Variants in STON1 observed in about 807,000 individuals in gnomAD.
STON1 encodes the protein stonin-1.
STON1 carries 79 observed loss-of-function variants against 60.9 expected under a neutral mutation model. The observed-to-expected ratio is 1.30, with a 90% confidence interval of 1.08 to 1.56. STON1 has a LOEUF of 1.56. Ranked by LOEUF, STON1 falls within the 40% of genes most tolerant of loss-of-function variation. The pLI is 0.00. For synonymous variants in STON1, 363 were observed against 306.9 expected (o/e 1.18, Z -1.91); for missense variants, 1,166 against 858.9 (o/e 1.36, Z -4.47).
At chr2:48,565,202 G>A (rs945619925) in intron 1 of STON1, among the ~76,000 whole-genome samples, 4 of 149,326 alleles carry the variant, frequency 2.7e-5, no homozygotes, top group South Asian at 2.2e-4. Context: ...ACAGGCGCCC[G>A]CCACCACGCC....
intron 1 of STON1, among the ~76,000 whole-genome samples, chr2:48,541,521 T>TAAA (rs1276920612): frequency 1.5e-4 from 14 of 92,374 alleles, no homozygotes; most frequent in African/African-American, 5.8e-4. Flanking sequence ...CCATCTCTAC[T>TAAA]AAAAAAAAAA....
chr2:48,539,025 C>T (rs1223259797), intron 1 of STON1, among the ~76,000 whole-genome samples: 2 of 152,004 alleles, frequency 1.3e-5, no homozygotes, highest in African/African-American at 4.8e-5. Context: ...TCAAGCTATC[C>T]TCTTGCCTCA....
In STON1 at chr2:48,596,294, GAA is replaced by G. The variant is rs1674779160; in HGVS notation, c.*994_*995del. 1 of 152,136 alleles carries G rather than the reference GAA, an allele frequency of 6.6e-6. No individual in the cohort carries two copies. Among genetic ancestry groups the G allele is most frequent in the Non-Finnish European group, 1.5e-5 (1 of 67,996 alleles). 9.4% of individuals were successfully genotyped at this position (152,136 alleles called of 1,614,324 possible). Reference sequence around the variant, plus strand: ...TTTTTCATTAAAAGGTGAGCAAAGTGAAAGATACTTGGTATTTTACCCAGATT... The same window carrying G: ...TTTTTCATTAAAAGGTGAGCAAAGTGAGATACTTGGTATTTTACCCAGATT... On this transcript the variant is annotated 3_prime_UTR_variant, in exon 4 of 4. Transcript: ENST00000404752.
chr2:48,555,378 A>C (rs1180823302), intron 1 of STON1, among the ~76,000 whole-genome samples: 1 of 40,640 alleles, frequency 2.5e-5, no homozygotes, highest in African/African-American at 9.2e-5. Flanking sequence ...GGGGCTCCTC[A>C]CTTCCCAGTA....
chr2:48,565,152 A>T (rs1178147554), intron 1 of STON1, among the ~76,000 whole-genome samples: 3 of 142,752 alleles, frequency 2.1e-5, no homozygotes, highest in Non-Finnish European at 4.5e-5. Flanking sequence ...TCCCAGGTTC[A>T]TGCCATTCTC....
In STON1 at chr2:48,595,764, T is replaced by C. The variant is rs1490762390; in HGVS notation, c.*462T>C. On this transcript the variant is annotated 3_prime_UTR_variant, in exon 4 of 4. Coordinates refer to ENST00000404752, the MANE Select transcript of STON1 (RefSeq NM_006873.4). ...TTTTCCCTCTTTCTTGCCTCTGAAA[T>C]GTGGCTAGGTGTAGAATGATGTTGA... 2 of 165,058 alleles carry C rather than the reference T, an allele frequency of 1.2e-5. No homozygotes were observed. Among genetic ancestry groups the C allele is most frequent in the Admixed American group, 1.3e-4 (2 of 15,588 alleles). The allele number at this position is 165,058 out of a possible 1,614,324, so 10.2% of individuals were successfully genotyped here. A position where few individuals can be genotyped will look rare whatever the true frequency, so the allele number is the denominator to read the frequency against.
intron 2 of STON1, among the ~76,000 whole-genome samples, chr2:48,586,879 G>A (rs1463349439): frequency 6.6e-6 from 1 of 152,132 alleles, no homozygotes; most frequent in Non-Finnish European, 1.5e-5. Flanking sequence ...AGAGATGGGT[G>A]AGCGAATTCA....
At chr2:48,548,865 C>G (rs570435647) in intron 1 of STON1, among the ~76,000 whole-genome samples, 3 of 152,186 alleles carry the variant, frequency 2.0e-5, no homozygotes, top group East Asian at 1.9e-4. Context: ...AACATTTTTA[C>G]TGCACAGTGT....
chr2:48,590,636 A>AACACAC (rs6146756), intron 2 of STON1, among the ~76,000 whole-genome samples: 53 of 142,120 alleles, frequency 3.7e-4, no homozygotes, highest in South Asian at 4.7e-4. Context: ...ATTTCCTTAT[A>AACACAC]ACACACACAC....
At chr2:48,587,583 G>A (rs1334079209) in intron 2 of STON1, among the ~76,000 whole-genome samples, 5 of 152,080 alleles carry the variant, frequency 3.3e-5, no homozygotes, top group East Asian at 3.9e-4. Context: ...GAGCCACTGC[G>A]TCCGGCCTCC....
Position 48,581,377 on chromosome 2 carries a change from G to A in STON1, c.744G>A (p.Leu248=). 1.3e-6 allele frequency: 2 copies of A among 1,590,748 alleles called. No individual in the cohort carries two copies. The highest frequency in any genetic ancestry group is 1.7e-6 in the Non-Finnish European group (2 of 1,168,202). The change falls in exon 2 of 4, where the codon TTG becomes TTA. Residue 248 remains leucine, a synonymous_variant. Coordinates refer to ENST00000404752, the MANE Select transcript of STON1 (RefSeq NM_006873.4). ...AGAACCAAGACTCACTTAGAAGTTT[G>A]TCTATGCACTGTCTATGTGCTGAAG... is the stretch of plus-strand genomic sequence containing the variant. ...SAENQDSLRS[L]SMHCLCAEEN...
chr2:48,590,636 A>AACACACACACAC lies in STON1; in HGVS notation c.1931-1004_1931-993dup, dbSNP rs6146756. ...ATGAAAATATTGATCATTTCCTTAT[A>AACACACACACAC]ACACACACACACACACACACACACT... On this transcript the variant is annotated intron_variant, in intron 2 of 3. Transcript: ENST00000404752. 1.0e-2 allele frequency among the ~76,000 whole-genome samples: 1,419 copies of AACACACACACAC among 142,084 alleles called. 24 individuals are homozygous for AACACACACACAC. The highest frequency in any genetic ancestry group is 0.03 in the African/African-American group (1,108 of 37,506). The allele number at this position is 142,084 out of a possible 152,430, so 93.2% of individuals were successfully genotyped here.
chr2:48,540,505 A>G (rs1169535221), intron 1 of STON1, among the ~76,000 whole-genome samples: 1 of 152,206 alleles, frequency 6.6e-6, no homozygotes, highest in African/African-American at 2.4e-5. Flanking sequence ...AGCTGAACAC[A>G]GGGAGGTTCC....
In STON1 at chr2:48,591,798, G is replaced by C; in HGVS notation, c.2076G>C (p.Val692=). ...ASRTEVRSLG[V]ESDVQPQKHV... ...GGACAGAGGTCAGGTCTCTGGGAGT[G>C]GAGAGTGATGTCCAGCCACAGAAAC... is the stretch of plus-strand genomic sequence containing the variant. Residue 692 remains valine, a synonymous_variant, in exon 3 of 4, where the codon GTG becomes GTC. Transcript: ENST00000404752. 2 of 1,614,168 alleles carry C rather than the reference G, an allele frequency of 1.2e-6. No homozygotes were observed. Among genetic ancestry groups the C allele is most frequent in the South Asian group, 2.2e-5 (2 of 91,084 alleles).
intron 1 of STON1, among the ~76,000 whole-genome samples, chr2:48,580,235 G>A (rs1011865679): frequency 3.8e-4 from 58 of 152,140 alleles, no homozygotes; most frequent in Admixed American, 2.2e-3. Flanking sequence ...TAATTGTTGC[G>A]TCTTCCTAGT....
rs545099801 is a variant in STON1, at chr2:48,564,402, G to A, written c.-47-16185G>A. Among the ~76,000 whole-genome samples, 15 of 135,362 alleles carry A rather than the reference G, an allele frequency of 1.1e-4. No individual in the cohort carries two copies. The South Asian group carries it at 3.2e-3, about 29-fold the overall frequency. 88.8% of individuals were successfully genotyped at this position (135,362 alleles called of 152,430 possible). A position where few individuals can be genotyped will look rare whatever the true frequency, so the allele number is the denominator to read the frequency against. Reference sequence around the variant, plus strand: ...AGCTAGGTCCTCCAGTGGCAGTGGCGGTGTCTTCTTCTTCTTCTTCTTCTT... The same window carrying A: ...AGCTAGGTCCTCCAGTGGCAGTGGCAGTGTCTTCTTCTTCTTCTTCTTCTT... On this transcript the variant is annotated intron_variant, in intron 1 of 3. Coordinates refer to ENST00000404752, the MANE Select transcript of STON1 (RefSeq NM_006873.4).
chr2:48,594,164 T>G (rs557922019), intron 3 of STON1, among the ~76,000 whole-genome samples: 3 of 152,266 alleles, frequency 2.0e-5, no homozygotes, highest in East Asian at 3.9e-4. Flanking sequence ...AACGGCACTC[T>G]CCAGTAAACT....
chr2:48,534,404 C>G (rs1457903099), intron 1 of STON1, among the ~76,000 whole-genome samples: 1 of 152,196 alleles, frequency 6.6e-6, no homozygotes, highest in African/African-American at 2.4e-5. Context: ...GTGTTGAATT[C>G]AGGTCGGTGG....
At chr2:48,541,908 C>T (rs1359075563) in intron 1 of STON1, among the ~76,000 whole-genome samples, 2 of 152,122 alleles carry the variant, frequency 1.3e-5, no homozygotes, top group Non-Finnish European at 1.5e-5. Context: ...CCAATGTTTT[C>T]AGTCCAGAAA....
Sources: allele counts gnomAD v4.1 joint callset (sites outside exome capture counted in the v4.1 genomes callset), GRCh38; gene constraint gnomAD v4.1.1; transcripts MANE v1.5; gene names NCBI Gene and HGNC (gene_info 2026-07-23, HGNC 2026-07-21).